Variants in PALS2 observed in about 807,000 individuals in gnomAD.
The protein encoded by PALS2 is protein associated with LIN7 2, MAGUK p55 family member, also known as protein PALS2.
PALS2 carries 27 observed loss-of-function variants against 61.6 expected under a neutral mutation model. That is an observed-to-expected ratio of 0.44 (90% confidence interval 0.32 to 0.60). The LOEUF (loss-of-function observed/expected upper bound fraction) is 0.60, where lower values mean the gene tolerates loss of function less well. Among genes scored for constraint, PALS2 ranks in the 20% least tolerant of loss-of-function variants. The probability of loss-of-function intolerance (pLI) is 0.05; values close to 1 mark genes in which losing one functional copy is unlikely to be tolerated. For missense variants in PALS2, 554 were observed against 639.4 expected, an observed-to-expected ratio of 0.87 and a Z score of 1.44; for synonymous variants, 236 against 218.6, an observed-to-expected ratio of 1.08 and a Z score of -0.70.
rs575075060 is a variant in PALS2 at position 24,585,193 on chromosome 7, T to C, written c.-3+11600T>C. On this transcript the variant is annotated intron_variant, in intron 1 of 11. Transcript: ENST00000222644. Reference sequence around the variant, plus strand: ...ACTTTAAAGTAGTTTTTTCCAATTCTGTGAAGAAAGTCATTGGTAGCTTGA... The same window carrying C: ...ACTTTAAAGTAGTTTTTTCCAATTCCGTGAAGAAAGTCATTGGTAGCTTGA... 2.0e-5 allele frequency among the ~76,000 whole-genome samples: 3 copies of C among 152,264 alleles called. No individual in the cohort carries two copies. In the South Asian group the frequency reaches 6.2e-4, roughly 32 times the overall value.
At chr7:24,608,410 TC>T (rs751948255) in intron 1 of PALS2, among the ~76,000 whole-genome samples, 39 of 152,260 alleles carry the variant, frequency 2.6e-4, no homozygotes, top group Non-Finnish European at 4.4e-4. Flanking sequence ...TATTACTTCT[TC>T]AACTATTTCC....
At chr7:24,685,922 A>G (rs989260217) in intron 11 of PALS2, among the ~76,000 whole-genome samples, 7 of 152,162 alleles carry the variant, frequency 4.6e-5, no homozygotes, top group Non-Finnish European at 8.8e-5. Context: ...CTAATGATTT[A>G]TATACAGCTA....
chr7:24,657,542 A>AT (rs1786485989), intron 5 of PALS2, among the ~76,000 whole-genome samples: 1 of 152,040 alleles, frequency 6.6e-6, no homozygotes, highest in Admixed American at 6.6e-5. Flanking sequence ...TATTTTGTCC[A>AT]TTTTTTGTTG....
Position 24,659,081 on chromosome 7 carries a change from C to T in PALS2, c.652-4509C>T, listed in dbSNP as rs2128083971. Among the ~76,000 whole-genome samples, 2 of 152,310 alleles carry T rather than the reference C, an allele frequency of 1.3e-5. 1 individual carries two copies. The highest frequency in any genetic ancestry group is 4.1e-4 in the South Asian group (2 of 4,828). ...ATATGTACTCAATGTTTAGCACCCA[C>T]TTACAAGTGAGAACATGCAATAATC... On this transcript the variant is annotated intron_variant, in intron 5 of 11. Transcript: ENST00000222644.
chr7:24,649,620 G>A lies in PALS2; in HGVS notation c.279G>A (p.Leu93=). 6.2e-7 allele frequency: 1 copy of A among 1,600,102 alleles called. No individual in the cohort carries two copies. The highest frequency in any genetic ancestry group is 8.5e-7 in the Non-Finnish European group (1 of 1,173,918). The change falls in exon 4 of 12, where the codon TTG becomes TTA. Residue 93 remains leucine, a synonymous_variant. Transcript: ENST00000222644. ...ATTTTGACTCCTTATAGTCACTGTT[G>A]GAGGCCCATGATATTGTGGCATCAA... ...ILKEPHFQSL[L]EAHDIVASKC...
chr7:24,575,567 T>G (rs1401127914), intron 1 of PALS2, among the ~76,000 whole-genome samples: 1 of 152,220 alleles, frequency 6.6e-6, no homozygotes, highest in Non-Finnish European at 1.5e-5. Context: ...TAAAAAGTTG[T>G]TTTAAAATTG....
intron 2 of PALS2, among the ~76,000 whole-genome samples, chr7:24,638,824 A>G (rs968963984): frequency 6.6e-6 from 1 of 152,194 alleles, no homozygotes; most frequent in Non-Finnish European, 1.5e-5. Flanking sequence ...ATTTGGAAGC[A>G]TTAGGTTAAT....
intron 1 of PALS2, among the ~76,000 whole-genome samples, chr7:24,604,049 T>C: frequency 6.6e-6 from 1 of 151,554 alleles, no homozygotes; most frequent in Non-Finnish European, 1.5e-5. Flanking sequence ...ATTGAAAGAA[T>C]TAAAGGAAAA....
chr7:24,642,282 A>G (rs1425303811), intron 3 of PALS2, among the ~76,000 whole-genome samples: 3 of 152,108 alleles, frequency 2.0e-5, no homozygotes, highest in East Asian at 3.9e-4. Flanking sequence ...GAACATAGAG[A>G]GCTGTGAAGT....
At chr7:24,584,832 T>G (rs1467752710) in intron 1 of PALS2, among the ~76,000 whole-genome samples, 1 of 151,822 alleles carries the variant, frequency 6.6e-6, no homozygotes, top group South Asian at 2.1e-4. Context: ...CTTGAATTAA[T>G]TTTTGTATAA....
chr7:24,641,901 C>T (rs1258175472), intron 3 of PALS2, 33 bp downstream of exon 3: 3 of 1,590,410 alleles, frequency 1.9e-6, no homozygotes, highest in African/African-American at 2.7e-5. Flanking sequence ...TCTCAAGTTC[C>T]CTGTATTCCC....
At chr7:24,647,209 C>G (rs1485063769) in intron 3 of PALS2, among the ~76,000 whole-genome samples, 1 of 150,934 alleles carries the variant, frequency 6.6e-6, no homozygotes, top group East Asian at 2.0e-4. Flanking sequence ...TGCAGTGGCA[C>G]GATCTCGGTT....
At chr7:24,637,609 C>G (rs1444103516) in intron 2 of PALS2, among the ~76,000 whole-genome samples, 1 of 152,024 alleles carries the variant, frequency 6.6e-6, no homozygotes. Context: ...TGATATGGTC[C>G]TTGTGTTTTA....
Position 24,577,291 on chromosome 7 carries a change from T to C in PALS2, c.-3+3698T>C, listed in dbSNP as rs549672091. On this transcript the variant is annotated intron_variant, in intron 1 of 11. Coordinates refer to ENST00000222644, the MANE Select transcript of PALS2 (RefSeq NM_001303037.2). ...TTTTCCTTTTTTTTTTTTTTTAATATAGTGTACTAGAAGAGATACTTTCTG... is the reference window on the plus strand; with the variant it reads ...TTTTCCTTTTTTTTTTTTTTTAATACAGTGTACTAGAAGAGATACTTTCTG... 1.7e-3 allele frequency among the ~76,000 whole-genome samples: 256 copies of C among 150,034 alleles called. 1 individual carries two copies. The highest frequency in any genetic ancestry group is 0.017 in the Middle Eastern group (5 of 294).
In PALS2 at chr7:24,687,438, G is replaced by T. The variant is rs772468282; in HGVS notation, c.1447G>T (p.Asp483Tyr). ...DAGITTKLLT[D>Y]SDLKKTVDES... ...ATTTCCTTTTAAAACTCTTCAACAGGACTCTGACTTGAAGAAAACAGTGGA... is the reference window on the plus strand; with the variant it reads ...ATTTCCTTTTAAAACTCTTCAACAGTACTCTGACTTGAAGAAAACAGTGGA... The change falls in exon 12 of 12, where the codon GAC becomes TAC. Residue 483 changes from aspartate to tyrosine, a missense_variant and splice_region_variant. By Grantham distance (160) the Asp-to-Tyr change is radical. Coordinates refer to ENST00000222644, the MANE Select transcript of PALS2 (RefSeq NM_001303037.2). This position sits in a 1 kb window ranked among gnomAD's most constrained non-coding sequence, Gnocchi z 4.5. 6.2e-7 allele frequency: 1 copy of T among 1,605,870 alleles called. No homozygotes were observed. The highest frequency in any genetic ancestry group is 8.5e-7 in the Non-Finnish European group (1 of 1,177,286).
At chr7:24,675,114 G>A (rs997610006) in intron 9 of PALS2, among the ~76,000 whole-genome samples, 3 of 152,074 alleles carry the variant, frequency 2.0e-5, no homozygotes, top group Admixed American at 2.0e-4. Flanking sequence ...TAGAGAATAG[G>A]ATTGTAGTTA....
intron 1 of PALS2, among the ~76,000 whole-genome samples, chr7:24,620,585 G>GA (rs146673072): frequency 0.04 from 5,930 of 147,450 alleles, 153 homozygotes; most frequent in Non-Finnish European, 0.059. Flanking sequence ...ACACCAATTT[G>GA]AAAAAAAAAC....
chr7:24,673,570 T>A (rs749395431), intron 9 of PALS2, among the ~76,000 whole-genome samples: 3 of 152,180 alleles, frequency 2.0e-5, no homozygotes, highest in African/African-American at 7.2e-5. Flanking sequence ...TCAGTCTCTT[T>A]CCTTGTTATA....
chr7:24,583,662 AT>A (rs11407533), intron 1 of PALS2, among the ~76,000 whole-genome samples: 7,529 of 143,554 alleles, frequency 0.052, 224 homozygotes, highest in African/African-American at 0.087. Context: ...TATTTATTTA[AT>A]TTTTTTTTTT....
Sources: gnomAD v4.1 joint callset for allele counts (sites outside exome capture counted in the v4.1 genomes callset) on GRCh38, gnomAD v4.1.1 for gene constraint, Gnocchi (gnomAD v3.1) non-coding constraint, MANE v1.5 for transcripts, NCBI Gene and HGNC (gene_info 2026-07-23, HGNC 2026-07-21) for gene names.